Variants in RIMS4 observed in about 807,000 individuals in gnomAD.
RIMS4 encodes the protein regulating synaptic membrane exocytosis protein 4.
Under a neutral mutation model 29.0 loss-of-function variants are expected in RIMS4, and 9 were observed. The observed-to-expected ratio is 0.31, with a 90% CI of 0.19 to 0.54. RIMS4 has a LOEUF of 0.54. RIMS4 is among the 20% of genes least tolerant of loss of function. RIMS4 has a pLI of 0.94. For missense variants in RIMS4, 193 were observed against 365.7 expected (o/e 0.53, Z 3.85); for synonymous variants, 130 against 152.9 (o/e 0.85, Z 1.10).
rs1036607728 is a variant in RIMS4 at position 44,752,066 on chromosome 20, G to A, written c.*4068C>T. 4 of 152,248 alleles carry A rather than the reference G, an allele frequency of 2.6e-5. No homozygotes were observed. The highest frequency in any genetic ancestry group is 5.9e-5 in the Non-Finnish European group (4 of 68,080). The allele number at this position is 152,248 out of a possible 1,614,324, so 9.4% of individuals were successfully genotyped here. A position where few individuals can be genotyped will look rare whatever the true frequency, so the allele number is the denominator to read the frequency against. On this transcript the variant is annotated 3_prime_UTR_variant, in exon 6 of 6. Coordinates refer to ENST00000372851, the MANE Select transcript of RIMS4 (RefSeq NM_182970.4). ...AAGGGCTCCAGAGGTGATGCTCACA[G>A]CCCTGGGTTCGGCTCCATTCTGACC...
intron 1 of RIMS4, among the ~76,000 whole-genome samples, chr20:44,797,164 G>A (rs1307401235): frequency 2.0e-5 from 3 of 152,204 alleles, no homozygotes; most frequent in East Asian, 1.9e-4. Flanking sequence ...ACTAAAGCGC[G>A]TGTTCTACCC....
chr20:44,778,475 A>G (rs2066170004), intron 1 of RIMS4, among the ~76,000 whole-genome samples: 1 of 152,212 alleles, frequency 6.6e-6, no homozygotes, highest in African/African-American at 2.4e-5. Flanking sequence ...CAGGAGTTCA[A>G]GACCAGCCTG....
In RIMS4 at chr20:44,810,394, GC is replaced by G. The variant is rs1202039330; in HGVS notation, c.-124del. 1 of 162,654 alleles carries G rather than the reference GC, an allele frequency of 6.1e-6. No individual in the cohort carries two copies. The highest frequency in any genetic ancestry group is 1.2e-5 in the Non-Finnish European group (1 of 81,020). 10.1% of individuals were successfully genotyped at this position (162,654 alleles called of 1,614,324 possible). ...CGCGGCGTGGTGGCGGCGGCCCGGGGCCGGGCCGAGGCTCCGCTGCGGGGCT... is the reference window on the plus strand; with the variant it reads ...CGCGGCGTGGTGGCGGCGGCCCGGGGCGGGCCGAGGCTCCGCTGCGGGGCT... On this transcript the variant is annotated 5_prime_UTR_variant, in exon 1 of 6. Coordinates refer to ENST00000372851, the MANE Select transcript of RIMS4 (RefSeq NM_182970.4).
rs1184036489 is a variant in RIMS4 at position 44,764,880 on chromosome 20, AC to A, written c.236+6394del. Among the ~76,000 whole-genome samples, 5 of 152,294 alleles carry A rather than the reference AC, an allele frequency of 3.3e-5. No homozygotes were observed. The East Asian group carries it at 9.7e-4, about 29-fold the overall frequency. On this transcript the variant is annotated intron_variant, in intron 2 of 5. Coordinates refer to ENST00000372851, the MANE Select transcript of RIMS4 (RefSeq NM_182970.4). Reference sequence around the variant, plus strand: ...GGATATACCATATCATACAATCCTGACCCCGACTTCTCAACCATTCAAGGTA... The same window carrying A: ...GGATATACCATATCATACAATCCTGACCCGACTTCTCAACCATTCAAGGTA...
chr20:44,764,083 C>CATTT (rs2066098963), intron 2 of RIMS4, among the ~76,000 whole-genome samples: 1 of 150,758 alleles, frequency 6.6e-6, no homozygotes, highest in Non-Finnish European at 1.5e-5. Flanking sequence ...TCCATCCATC[C>CATTT]ATCCATCCAC....
At chr20:44,775,960 A>T (rs1356663502) in intron 1 of RIMS4, among the ~76,000 whole-genome samples, 1 of 152,220 alleles carries the variant, frequency 6.6e-6, no homozygotes, top group African/African-American at 2.4e-5. Context: ...TAAATAAATC[A>T]CAGCTTCAGT....
chr20:44,780,552 T>C (rs1208239271), intron 1 of RIMS4, among the ~76,000 whole-genome samples: 1 of 152,134 alleles, frequency 6.6e-6, no homozygotes, highest in East Asian at 1.9e-4. Flanking sequence ...ATTTATCGAG[T>C]TGAACCAGAG....
chr20:44,793,655 T>C (rs765109101), intron 1 of RIMS4, among the ~76,000 whole-genome samples: 1 of 152,090 alleles, frequency 6.6e-6, no homozygotes, highest in Admixed American at 6.5e-5. Context: ...AGAACAGGCC[T>C]AGAAGGAGGA....
chr20:44,792,082 C>T (rs1436440326), intron 1 of RIMS4, among the ~76,000 whole-genome samples: 2 of 152,066 alleles, frequency 1.3e-5, no homozygotes, highest in Non-Finnish European at 2.9e-5. Context: ...ATGGAATCAC[C>T]GTTATCTGCT....
chr20:44,758,278 T>G, intron 2 of RIMS4, 94 bp from the exon 3 acceptor site: 2 of 793,538 alleles, frequency 2.5e-6, no homozygotes, highest in Non-Finnish European at 4.1e-6. Context: ...ATGGATATGC[T>G]GAAACTTCCC....
chr20:44,788,706 G>A (rs1214342956), intron 1 of RIMS4, among the ~76,000 whole-genome samples: 3 of 152,042 alleles, frequency 2.0e-5, no homozygotes, highest in Admixed American at 6.5e-5. Flanking sequence ...AGGCTGCAGT[G>A]AGCTATGATC....
At chr20:44,804,134 G>A (rs1262381714) in intron 1 of RIMS4, among the ~76,000 whole-genome samples, 1 of 152,222 alleles carries the variant, frequency 6.6e-6, no homozygotes, top group Non-Finnish European at 1.5e-5. Flanking sequence ...TAAGCTGCCT[G>A]GCTTTCCTCA....
At chr20:44,761,043 C>A (rs1411305072) in intron 2 of RIMS4, among the ~76,000 whole-genome samples, 2 of 152,122 alleles carry the variant, frequency 1.3e-5, no homozygotes, top group African/African-American at 4.8e-5. Flanking sequence ...ATTCTCTCCA[C>A]ATAAACTTCC....
intron 1 of RIMS4, among the ~76,000 whole-genome samples, chr20:44,784,082 C>T (rs548111546): frequency 1.1e-3 from 167 of 152,320 alleles, no homozygotes; most frequent in African/African-American, 2.7e-3. Context: ...GGTCAAGGAG[C>T]CCACAGGCAG....
rs116707763 is a variant in RIMS4, at chr20:44,798,359, C to A, written c.97+11816G>T. 4.0e-3 allele frequency among the ~76,000 whole-genome samples: 613 copies of A among 152,312 alleles called. 2 individuals carry two copies. The highest frequency in any genetic ancestry group is 0.014 in the African/African-American group (589 of 41,566). On this transcript the variant is annotated intron_variant, in intron 1 of 5. Transcript: ENST00000372851. ...CCCCTCACTAGCTGTATGACCTTGGCCAAGTCAGAAGTCCATCCAGATGCT... is the reference window on the plus strand; with the variant it reads ...CCCCTCACTAGCTGTATGACCTTGGACAAGTCAGAAGTCCATCCAGATGCT...
intron 1 of RIMS4, among the ~76,000 whole-genome samples, chr20:44,772,451 C>T (rs1221098302): frequency 1.3e-5 from 2 of 152,196 alleles, no homozygotes; most frequent in Admixed American, 6.5e-5. Flanking sequence ...CAACTAATAA[C>T]TGTGGCTGCC....
rs112194957 is a variant in RIMS4 at position 44,781,087 on chromosome 20, G to A, written c.98-9674C>T. Among the ~76,000 whole-genome samples, 719 of 152,286 alleles carry A rather than the reference G, an allele frequency of 4.7e-3. 3 individuals are homozygous for A. Among genetic ancestry groups the A allele is most frequent in the African/African-American group, 0.017 (686 of 41,554 alleles). ...TCTCTGGGGATTTGAATAAGATACAGTCTTTGACCTTAAGAAACTTACAGG... is the reference window on the plus strand; with the variant it reads ...TCTCTGGGGATTTGAATAAGATACAATCTTTGACCTTAAGAAACTTACAGG... On this transcript the variant is annotated intron_variant, in intron 1 of 5. Transcript: ENST00000372851.
At chr20:44,771,564 G>A (rs909856746) in intron 1 of RIMS4, 151 bp from the exon 2 acceptor site, 2 of 680,488 alleles carry the variant, frequency 2.9e-6, no homozygotes, top group African/African-American at 1.8e-5. Flanking sequence ...TCAGACTCCT[G>A]GCCTCACCAG....
intron 1 of RIMS4, among the ~76,000 whole-genome samples, chr20:44,805,474 G>T (rs926537623): frequency 6.6e-6 from 1 of 152,152 alleles, no homozygotes; most frequent in African/African-American, 2.4e-5. Context: ...GGGAAGGGGG[G>T]TGTGGTCAGG....
Sources: gnomAD v4.1 joint callset for allele counts (sites outside exome capture counted in the v4.1 genomes callset) on GRCh38, gnomAD v4.1.1 for gene constraint, MANE v1.5 for transcripts, NCBI Gene and HGNC (gene_info 2026-07-23, HGNC 2026-07-21) for gene names.